Variants in SRPK2 observed in about 807,000 individuals in gnomAD.
The protein encoded by SRPK2 is SRSF protein kinase 2.
Under a neutral mutation model 90.8 loss-of-function variants are expected in SRPK2, and 21 were observed. The ratio of observed to expected loss-of-function variants is 0.23; its 90% CI spans 0.16 to 0.33. The LOEUF (loss-of-function observed/expected upper bound fraction) is 0.33, where lower values mean the gene tolerates loss of function less well. Among genes scored for constraint, SRPK2 ranks in the 10% least tolerant of loss-of-function variants. The pLI, the probability that SRPK2 is intolerant of heterozygous loss-of-function variation, is 1.00. For synonymous variants in SRPK2, 288 were observed against 311.1 expected (o/e 0.93, Z 0.78); for missense variants, 620 against 869.0 (o/e 0.71, Z 3.60).
chr7:105,290,176 A>G (rs1808767980), intron 2 of SRPK2, among the ~76,000 whole-genome samples: 2 of 144,936 alleles, frequency 1.4e-5, no homozygotes, highest in Admixed American at 1.5e-4. Context: ...TTACCAAACT[A>G]ACACAGAGAC....
chr7:105,168,162 A>G lies in SRPK2; in HGVS notation c.339-67T>C, dbSNP rs1790326991. 8.4e-6 allele frequency: 11 copies of G among 1,305,936 alleles called. No homozygotes were observed. The South Asian group carries it at 1.3e-4, about 16-fold the overall frequency. 80.9% of individuals were successfully genotyped at this position (1,305,936 alleles called of 1,614,324 possible). A position where few individuals can be genotyped will look rare whatever the true frequency, so the allele number is the denominator to read the frequency against. ...TCAGTAGAAAGAATCACTGGTATCCAGGTTGAGCATCCCTAATTGGAAAAT... is the reference window on the plus strand; with the variant it reads ...TCAGTAGAAAGAATCACTGGTATCCGGGTTGAGCATCCCTAATTGGAAAAT... On this transcript the variant is annotated intron_variant, in intron 4 of 15. Coordinates refer to ENST00000393651, the MANE Select transcript of SRPK2 (RefSeq NM_182692.3).
At chr7:105,349,795 G>C (rs1816936217) in intron 2 of SRPK2, among the ~76,000 whole-genome samples, 1 of 151,918 alleles carries the variant, frequency 6.6e-6, no homozygotes, top group African/African-American at 2.4e-5. Context: ...CTGGTGTGCA[G>C]TGCCGTGATC....
intron 2 of SRPK2, among the ~76,000 whole-genome samples, chr7:105,369,913 G>A (rs187131886): frequency 2.9e-4 from 44 of 152,190 alleles, no homozygotes; most frequent in African/African-American, 1.1e-3. Context: ...TGTAATCCCA[G>A]CTACTCAGGA....
At chr7:105,238,856 A>G (rs1800454963) in intron 2 of SRPK2, among the ~76,000 whole-genome samples, 1 of 152,176 alleles carries the variant, frequency 6.6e-6, no homozygotes. Flanking sequence ...CTAGACCGAA[A>G]TACCCACGAC....
At chr7:105,204,837 G>T in intron 2 of SRPK2, 1 of 484,174 alleles carries the variant, frequency 2.1e-6, no homozygotes, top group Non-Finnish European at 4.0e-6. Context: ...CGTTGTCAAT[G>T]AAGAGTTCAA....
chr7:105,231,355 G>A (rs750539208), intron 2 of SRPK2, among the ~76,000 whole-genome samples: 4 of 152,108 alleles, frequency 2.6e-5, no homozygotes, highest in Non-Finnish European at 4.4e-5. Flanking sequence ...TTGCTATTGT[G>A]AACAGTGCTG....
intron 3 of SRPK2, among the ~76,000 whole-genome samples, chr7:105,171,494 A>G (rs1791142638): frequency 6.6e-6 from 1 of 152,232 alleles, no homozygotes; most frequent in Middle Eastern, 3.2e-3. Context: ...GAATTCTTAC[A>G]AATTACTCAA....
chr7:105,323,256 TATGCTAGAGACAAAA>T (rs1813146144), intron 2 of SRPK2, among the ~76,000 whole-genome samples: 4 of 152,324 alleles, frequency 2.6e-5, no homozygotes, highest in South Asian at 4.1e-4. Flanking sequence ...ATTGAAATTT[TATGCTAGAGACAAAA>T]ATGCTAGAGA....
chr7:105,335,045 C>T (rs780127855), intron 2 of SRPK2, among the ~76,000 whole-genome samples: 13 of 151,916 alleles, frequency 8.6e-5, no homozygotes, highest in Non-Finnish European at 1.9e-4. Flanking sequence ...GTGGCACATG[C>T]CTGTAATCCC....
intron 2 of SRPK2, among the ~76,000 whole-genome samples, chr7:105,342,415 C>G (rs1013720915): frequency 1.2e-4 from 18 of 151,820 alleles, no homozygotes; most frequent in African/African-American, 4.1e-4. Flanking sequence ...CTGAAACATT[C>G]CTAGGACTGT....
chr7:105,154,919 C>G (rs1002257946), intron 7 of SRPK2, among the ~76,000 whole-genome samples: 2 of 151,974 alleles, frequency 1.3e-5, no homozygotes, highest in Admixed American at 1.3e-4. Context: ...ATGATCTGCC[C>G]GCCTTGGCCT....
At chr7:105,201,429 T>C (rs1795540547) in intron 3 of SRPK2, among the ~76,000 whole-genome samples, 1 of 152,174 alleles carries the variant, frequency 6.6e-6, no homozygotes, top group African/African-American at 2.4e-5. Context: ...GAATACTTTA[T>C]TCTTAGCCCT....
chr7:105,236,707 A>C (rs1158723701), intron 2 of SRPK2, among the ~76,000 whole-genome samples: 1 of 152,030 alleles, frequency 6.6e-6, no homozygotes, highest in East Asian at 1.9e-4. Context: ...TGCCAGAGAG[A>C]AGACAAGACA....
intron 2 of SRPK2, among the ~76,000 whole-genome samples, chr7:105,288,378 GA>G: frequency 6.6e-6 from 1 of 152,192 alleles, no homozygotes; most frequent in East Asian, 1.9e-4. Flanking sequence ...GGTGGATCAC[GA>G]AATCAGGAGT....
intron 2 of SRPK2, among the ~76,000 whole-genome samples, chr7:105,367,772 T>C (rs911623972): frequency 1.3e-5 from 2 of 152,200 alleles, no homozygotes; most frequent in African/African-American, 4.8e-5. Context: ...GTACATTTCA[T>C]GTTGGTAAAT....
At chr7:105,128,495 G>A (rs1801526425) in intron 13 of SRPK2, among the ~76,000 whole-genome samples, 1 of 152,108 alleles carries the variant, frequency 6.6e-6, no homozygotes, top group Admixed American at 6.5e-5. Context: ...AAATCCAAGT[G>A]GAACAACTAG....
intron 2 of SRPK2, among the ~76,000 whole-genome samples, chr7:105,353,888 C>T (rs988323300): frequency 6.6e-6 from 1 of 152,168 alleles, no homozygotes; most frequent in Non-Finnish European, 1.5e-5. Flanking sequence ...CCAAATCCCA[C>T]GTGAGGCCAA....
chr7:105,203,477 G>A, intron 3 of SRPK2, 151 bp downstream of exon 3: 1 of 787,872 alleles, frequency 1.3e-6, no homozygotes. Flanking sequence ...AATGACCTAA[G>A]AATTTAAAAT....
chr7:105,135,211 C>T lies in SRPK2; in HGVS notation c.1544-2107G>A, dbSNP rs1802610491. On this transcript the variant is annotated intron_variant, in intron 11 of 15. Coordinates refer to ENST00000393651, the MANE Select transcript of SRPK2 (RefSeq NM_182692.3). Reference sequence around the variant, plus strand: ...ATTCAAATCTAAGTTTCAATATCTACAAGTTGTAAGACTGGCAAATGACTT... The same window carrying T: ...ATTCAAATCTAAGTTTCAATATCTATAAGTTGTAAGACTGGCAAATGACTT... Among the ~76,000 whole-genome samples the T allele has an allele frequency of 2.0e-5, 3 of 152,272 alleles. No individual in the cohort carries two copies. In the South Asian group the frequency reaches 6.2e-4, roughly 32 times the overall value.
Sources: gnomAD v4.1 joint callset for allele counts (sites outside exome capture counted in the v4.1 genomes callset) on GRCh38, gnomAD v4.1.1 for gene constraint, MANE v1.5 for transcripts, NCBI Gene and HGNC (gene_info 2026-07-23, HGNC 2026-07-21) for gene names.